Variants in STIP1 observed in about 807,000 individuals in gnomAD.
STIP1 encodes stress induced phosphoprotein 1.
STIP1 carries 16 observed loss-of-function variants against 77.4 expected under a neutral mutation model. The observed-to-expected ratio is 0.21, with a 90% CI of 0.14 to 0.31. The LOEUF is 0.31. STIP1 is among the 10% of genes least tolerant of loss of function. The pLI, the probability that STIP1 is intolerant of heterozygous loss-of-function variation, is 1.00. For synonymous variants in STIP1, 258 were observed against 246.6 expected, an observed-to-expected ratio of 1.05 and a Z score of -0.44; for missense variants, 524 against 684.8, an observed-to-expected ratio of 0.77 and a Z score of 2.62.
chr11:64,197,500 C>T lies in STIP1; in HGVS notation c.807C>T (p.Tyr269=). Residue 269 remains tyrosine (Y), a synonymous_variant, in exon 7 of 14, where the codon TAC becomes TAT. Transcript: ENST00000305218. ...MTYITNQAAV[Y]FEKGDYNKCR... ...AACCATCCTGCCTGGCAGCGGTATA[C>T]TTTGAAAAGGGCGACTACAATAAGT... 2.5e-6 allele frequency: 4 copies of T among 1,614,138 alleles called. No individual in the cohort carries two copies. In the South Asian group the frequency reaches 3.3e-5, roughly 13 times the overall value.
intron 1 of STIP1, among the ~76,000 whole-genome samples, chr11:64,189,605 ACTT>A (rs1358748994): frequency 6.6e-6 from 1 of 151,836 alleles, no homozygotes; most frequent in Non-Finnish European, 1.5e-5. Flanking sequence ...ACAATGATAC[ACTT>A]CTTACATTTA....
chr11:64,195,749 C>A lies in STIP1; in HGVS notation c.608C>A (p.Pro203His), dbSNP rs768117744. ...EEEIATPPPP[P>H]PPKKETKPEP... ...GAGATTGCAACACCTCCACCACCACCCCCTCCCAAAAAGGAGACCAAGCCA... is the reference window on the plus strand; with the variant it reads ...GAGATTGCAACACCTCCACCACCACACCCTCCCAAAAAGGAGACCAAGCCA... The change falls in exon 5 of 14, where the codon CCC (proline) becomes CAC (histidine). Residue 203 changes from proline to histidine, a missense_variant. By Grantham distance (77) the Pro-to-His change is moderately conservative. Coordinates refer to ENST00000305218, the MANE Select transcript of STIP1 (RefSeq NM_006819.3). 5.0e-6 allele frequency: 8 copies of A among 1,613,972 alleles called. No individual in the cohort carries two copies. Among genetic ancestry groups the A allele is most frequent in the Non-Finnish European group, 6.8e-6 (8 of 1,180,024 alleles).
At chr11:64,190,465 C>T (rs1946080074) in intron 1 of STIP1, among the ~76,000 whole-genome samples, 1 of 152,152 alleles carries the variant, frequency 6.6e-6, no homozygotes. Context: ...TGAGCCACTG[C>T]ACCCGGCAGC....
chr11:64,193,069 TC>T lies in STIP1; in HGVS notation c.10-5del. The T allele has an allele frequency of 6.2e-7, 1 of 1,613,744 alleles. No homozygotes were observed. Among genetic ancestry groups the T allele is most frequent in the East Asian group, 2.2e-5 (1 of 44,884 alleles). ...ATCATAGAGAAGCTGTGTGTTCCTT[TC>T]CCCTCAGGTCAATGAGCTGAAGGAG... On this transcript the variant is annotated splice_region_variant and splice_polypyrimidine_tract_variant and intron_variant, in intron 1 of 13. Transcript: ENST00000305218.
At chr11:64,186,503 G>A in intron 1 of STIP1, 1 of 369,832 alleles carries the variant, frequency 2.7e-6, no homozygotes, top group South Asian at 1.1e-4. Context: ...AGGAGGGCCC[G>A]GCGGAGGCCA....
At position 64,194,320 on chromosome 11, in the gene STIP1, C is replaced by A. The variant is rs1565279789; in HGVS notation, c.351C>A (p.Ala117=). The change falls in exon 3 of 14, where the codon GCC becomes GCA. Residue 117 remains alanine (A), a synonymous_variant. Coordinates refer to ENST00000305218, the MANE Select transcript of STIP1 (RefSeq NM_006819.3). ...QLKEGLQNME[A]RLAERKFMNP... is the part of the protein sequence containing the mutation. The stretch of plus-strand genomic sequence containing the variant: ...AAGAGGGTTTACAGAATATGGAGGC[C>A]AGGTTGGCAGGTAGGTACCACGCAC... 1 of 1,613,666 alleles carries A rather than the reference C, an allele frequency of 6.2e-7. No homozygotes were observed. Among genetic ancestry groups the A allele is most frequent in the African/African-American group, 1.3e-5 (1 of 74,998 alleles).
chr11:64,185,667 G>C (rs558543830), upstream of STIP1: 1 of 1,027,492 alleles, frequency 9.7e-7, no homozygotes, highest in Non-Finnish European at 1.4e-6. Context: ...AGCCGCCGGC[G>C]ACACAGCTAC....
intron 7 of STIP1, 117 bp from the exon 8 acceptor site, chr11:64,197,737 A>G: frequency 1.3e-6 from 2 of 1,553,794 alleles, no homozygotes; most frequent in Non-Finnish European, 1.8e-6. Context: ...CACCAGAGAC[A>G]AGACAAAAGG....
chr11:64,191,213 G>A (rs1946089061), intron 1 of STIP1, among the ~76,000 whole-genome samples: 1 of 150,762 alleles, frequency 6.6e-6, no homozygotes, highest in Non-Finnish European at 1.5e-5. Flanking sequence ...AAAGGGCTGA[G>A]TCAGGAGGAT....
At chr11:64,192,057 A>T (rs1489045689) in intron 1 of STIP1, among the ~76,000 whole-genome samples, 1 of 152,148 alleles carries the variant, frequency 6.6e-6, no homozygotes, top group African/African-American at 2.4e-5. Flanking sequence ...TCACACCTGT[A>T]ATCCCAGCAC....
intron 8 of STIP1, among the ~76,000 whole-genome samples, chr11:64,198,456 C>A (rs1200837184): frequency 1.3e-5 from 2 of 152,010 alleles, no homozygotes; most frequent in Admixed American, 1.3e-4. Flanking sequence ...CATGATCCAC[C>A]CACCTCAACC....
At chr11:64,191,187 C>CAAAA (rs756671182) in intron 1 of STIP1, among the ~76,000 whole-genome samples, 11 of 73,472 alleles carry the variant, frequency 1.5e-4, no homozygotes, top group African/African-American at 6.2e-4. Flanking sequence ...AACTCTGTCT[C>CAAAA]AAAAAAAAAA....
At chr11:64,192,595 C>G (rs530325964) in intron 1 of STIP1, among the ~76,000 whole-genome samples, 7 of 152,318 alleles carry the variant, frequency 4.6e-5, no homozygotes, top group Admixed American at 2.6e-4. Flanking sequence ...AGCATCTTGC[C>G]GCTCCCAAGA....
chr11:64,195,562 CT>C (rs1189074861), intron 4 of STIP1, 82 bp from the exon 5 acceptor site: 1 of 1,362,970 alleles, frequency 7.3e-7, no homozygotes, highest in Non-Finnish European at 9.9e-7. Context: ...AAGAATCTGA[CT>C]TTAGTAGTAA....
At position 64,203,233 on chromosome 11, in the gene STIP1, G is replaced by T; in HGVS notation, c.1386+5G>T. On this transcript the variant is annotated splice_donor_5th_base_variant and intron_variant, in intron 12 of 13. Transcript: ENST00000305218. ...GACCTGGACTCCAGCTGTAAGGTGG[G>T]GCTGCTTCTGGCCTCCAGGGGCCCC... 2 of 1,613,568 alleles carry T rather than the reference G, an allele frequency of 1.2e-6. No homozygotes were observed. The highest frequency in any genetic ancestry group is 1.7e-6 in the Non-Finnish European group (2 of 1,180,012).
chr11:64,189,758 A>G (rs757073615), intron 1 of STIP1, among the ~76,000 whole-genome samples: 6 of 152,180 alleles, frequency 3.9e-5, no homozygotes, highest in Non-Finnish European at 7.4e-5. Flanking sequence ...TTCCTGACCC[A>G]CTGTTGATCA....
At chr11:64,202,038 G>A (rs1256081808) in intron 10 of STIP1, among the ~76,000 whole-genome samples, 1 of 152,166 alleles carries the variant, frequency 6.6e-6, no homozygotes, top group African/African-American at 2.4e-5. Context: ...GTATACATTT[G>A]GTACTTAGAA....
At chr11:64,202,066 G>C (rs1246544442) in intron 10 of STIP1, among the ~76,000 whole-genome samples, 1 of 152,196 alleles carries the variant, frequency 6.6e-6, no homozygotes. Flanking sequence ...TCCAAGTCTT[G>C]TGCACGCATT....
At chr11:64,196,532 G>C (rs1946152514) in intron 5 of STIP1, among the ~76,000 whole-genome samples, 1 of 151,978 alleles carries the variant, frequency 6.6e-6, no homozygotes, top group Non-Finnish European at 1.5e-5. Flanking sequence ...GTCCTAGCAA[G>C]ACTGGAAAGT....
Sources: allele counts gnomAD v4.1 joint callset (sites outside exome capture counted in the v4.1 genomes callset), GRCh38; gene constraint gnomAD v4.1.1; transcripts MANE v1.5; gene names NCBI Gene and HGNC (gene_info 2026-07-23, HGNC 2026-07-21).